Variants in MED23 observed in about 807,000 individuals in gnomAD.
MED23 encodes the protein mediator complex subunit 23.
MED23 carries 105 observed loss-of-function variants against 163.9 expected under a neutral mutation model. The ratio of observed to expected loss-of-function variants is 0.64; its 90% CI spans 0.55 to 0.75. The LOEUF is 0.75. Among genes scored for constraint, MED23 ranks in the 30% least tolerant of loss-of-function variants. The pLI is 0.00. For synonymous variants in MED23, 561 were observed against 565.6 expected, an observed-to-expected ratio of 0.99 and a Z score of 0.12; for missense variants, 1,054 against 1,649.0, an observed-to-expected ratio of 0.64 and a Z score of 6.25.
chr6:131,605,833 A>T (rs1306782411), intron 13 of MED23, among the ~76,000 whole-genome samples: 2 of 152,204 alleles, frequency 1.3e-5, no homozygotes, highest in Non-Finnish European at 2.9e-5. Context: ...CAATGTCTTC[A>T]TTACAGATAC....
intron 10 of MED23, among the ~76,000 whole-genome samples, chr6:131,614,213 C>T (rs915118118): frequency 6.6e-6 from 1 of 152,062 alleles, no homozygotes; most frequent in Non-Finnish European, 1.5e-5. Context: ...AACAAGGAAA[C>T]TTGGCAAATT....
At position 131,587,065 on chromosome 6, in the gene MED23, G is replaced by T; in HGVS notation, c.*614C>A. The T allele has an allele frequency of 7.4e-7, 1 of 1,360,312 alleles. No individual in the cohort carries two copies. Among genetic ancestry groups the T allele is most frequent in the East Asian group, 2.8e-5 (1 of 35,944 alleles). 84.3% of individuals were successfully genotyped at this position (1,360,312 alleles called of 1,614,324 possible). On this transcript the variant is annotated 3_prime_UTR_variant, in exon 29 of 29. Coordinates refer to ENST00000368068, the MANE Select transcript of MED23 (RefSeq NM_004830.4). ...GCTTCCAACTAATTTTATACAGTAAGTTCAAGTCCATAGCAAAGGTAATAA... is the reference window on the plus strand; with the variant it reads ...GCTTCCAACTAATTTTATACAGTAATTTCAAGTCCATAGCAAAGGTAATAA...
Position 131,602,272 on chromosome 6 carries a change from C to A in MED23, c.2041G>T (p.Glu681Ter). ...DPKTVLSAES[E>*]ELNRALILTL... is the part of the protein sequence containing the mutation. ...AATATCAAGGCTCGGTTCAGTTCTT[C>A]AGATTCTGCTGAGAGCACTGTTTTG... The change falls in exon 17 of 29, where the codon GAA (glutamate) becomes TAA (stop). Residue 681 changes from glutamate to a stop codon, truncating the protein, a stop_gained. Coordinates refer to ENST00000368068, the MANE Select transcript of MED23 (RefSeq NM_004830.4). LOFTEE classifies it high-confidence loss of function. 6.2e-7 allele frequency: 1 copy of A among 1,613,936 alleles called. No individual in the cohort carries two copies. Among genetic ancestry groups the A allele is most frequent in the Non-Finnish European group, 8.5e-7 (1 of 1,179,854 alleles).
At chr6:131,597,018 T>C (rs1382534232) in intron 20 of MED23, among the ~76,000 whole-genome samples, 3 of 152,186 alleles carry the variant, frequency 2.0e-5, no homozygotes. Context: ...TGACATCTTA[T>C]TGATTTATAG....
In MED23 at chr6:131,623,211, T is replaced by C. The variant is rs1777236932; in HGVS notation, c.396+140A>G. On this transcript the variant is annotated intron_variant, in intron 5 of 28. Transcript: ENST00000368068. The stretch of plus-strand genomic sequence containing the variant: ...GGAAACAACTGAGTAACTTTAAATC[T>C]TTTCAGGAAATATACCACAAGAAAT... 9.2e-6 allele frequency: 7 copies of C among 762,284 alleles called. No individual in the cohort carries two copies. In the South Asian group the frequency reaches 9.5e-5, roughly 10 times the overall value. 47.2% of individuals were successfully genotyped at this position (762,284 alleles called of 1,614,324 possible).
intron 30 of MED23, chr6:131,578,995 T>G: frequency 8.1e-7 from 1 of 1,234,742 alleles, no homozygotes; most frequent in Non-Finnish European, 1.1e-6. Context: ...CCTTTCAGGT[T>G]TTTCCTTTGC....
intron 5 of MED23, among the ~76,000 whole-genome samples, chr6:131,622,218 T>C (rs552183426): frequency 1.3e-5 from 2 of 152,366 alleles, no homozygotes; most frequent in African/African-American, 4.8e-5. Context: ...TGTCAAGCTT[T>C]TTTGGCCCTC....
In MED23 at chr6:131,581,116, A is replaced by T; in HGVS notation, c.4095+6593T>A. On this transcript the variant is annotated intron_variant, in intron 30 of 30. Transcript: ENST00000354577. ...TCAGAACCTATCAGAAATATCAGAC[A>T]CTGTGACTCAAAGGAAAACCAAGTG... 3 of 1,126,494 alleles carry T rather than the reference A, an allele frequency of 2.7e-6. No homozygotes were observed. The South Asian group carries it at 3.8e-5, about 14-fold the overall frequency. 69.8% of individuals were successfully genotyped at this position (1,126,494 alleles called of 1,614,324 possible).
chr6:131,575,641 C>T (rs1484877223), intron 30 of MED23, among the ~76,000 whole-genome samples: 1 of 152,144 alleles, frequency 6.6e-6, no homozygotes, highest in African/African-American at 2.4e-5. Context: ...GATAGACACA[C>T]GTGTCTTTTA....
intron 30 of MED23, chr6:131,579,392 T>C (rs1773800907): frequency 7.7e-7 from 1 of 1,304,922 alleles, no homozygotes; most frequent in Admixed American, 2.7e-5. Context: ...TTGACCTATA[T>C]TTTATATCAA....
chr6:131,607,960 T>G lies in MED23; in HGVS notation c.1189A>C (p.Lys397Gln). The G allele has an allele frequency of 6.2e-7, 1 of 1,613,926 alleles. No individual in the cohort carries two copies. The highest frequency in any genetic ancestry group is 8.5e-7 in the Non-Finnish European group (1 of 1,179,908). ...NALADFLPVM[K>Q]LFDLLYPEKE... is the part of the protein sequence containing the mutation. ...TCTGGGTATAGCAAGTCGAAGAGCT[T>G]CATCACAGGGAGAAAATCAGCTAGT... The change falls in exon 12 of 29, where the codon AAG becomes CAG. Residue 397 changes from lysine to glutamine, a missense_variant. Coordinates refer to ENST00000368068, the MANE Select transcript of MED23 (RefSeq NM_004830.4).
At chr6:131,592,866 C>A in intron 24 of MED23, 140 bp downstream of exon 24, 1 of 1,023,608 alleles carries the variant, frequency 9.8e-7, no homozygotes, top group South Asian at 1.4e-5. Context: ...ATCACAAAGA[C>A]AAGATCTGGA....
rs1776176813 is a variant in MED23 at position 131,610,203 on chromosome 6, A to G, written c.920T>C (p.Leu307Pro). The G allele has an allele frequency of 6.2e-7, 1 of 1,613,916 alleles. No individual in the cohort carries two copies. Among genetic ancestry groups the G allele is most frequent in the Non-Finnish European group, 8.5e-7 (1 of 1,179,946 alleles). Residue 307 changes from leucine to proline, a missense_variant, in exon 11 of 29, where the codon CTG becomes CCG. This residue lies in a region of MED23 where 26 missense variants were observed against 28.4 expected (regional missense o/e 0.92). Transcript: ENST00000368068. The stretch of plus-strand genomic sequence containing the variant: ...AGATCGCTCCATGGCATAAACAACC[A>G]GATCCACCAACTGGTCCTCCAGCAC... ...CPVLEDQLVD[L>P]VVYAMERSET...
chr6:131,624,788 CA>C, intron 4 of MED23, 76 bp downstream of exon 4: 1 of 1,514,800 alleles, frequency 6.6e-7, no homozygotes, highest in Non-Finnish European at 9.1e-7. Context: ...TACCTTTTTA[CA>C]ACAACAACCT....
At position 131,587,161 on chromosome 6, in the gene MED23, T is replaced by C. The variant is rs1484863584; in HGVS notation, c.*518A>G. ...ATTTCAAGTCATTTTAAAAAGAATA[T>C]GAAGCCTTGTTTGCTCCTACAATGC... On this transcript the variant is annotated 3_prime_UTR_variant, in exon 29 of 29. Coordinates refer to ENST00000368068, the MANE Select transcript of MED23 (RefSeq NM_004830.4). The C allele has an allele frequency of 1.7e-6, 2 of 1,197,584 alleles. No individual in the cohort carries two copies. The highest frequency in any genetic ancestry group is 4.1e-5 in the Admixed American group (1 of 24,678). 74.2% of individuals were successfully genotyped at this position (1,197,584 alleles called of 1,614,324 possible). A position where few individuals can be genotyped will look rare whatever the true frequency, so the allele number is the denominator to read the frequency against.
Position 131,587,488 on chromosome 6 carries a change from C to G in MED23, c.*191G>C. ...TGTATCTTACTTGATCTCTTAGAGA[C>G]AAAAATATAGATAGGGAGATGGGAG... is the stretch of plus-strand genomic sequence containing the variant. On this transcript the variant is annotated 3_prime_UTR_variant, in exon 29 of 29. Transcript: ENST00000368068. 7.0e-7 allele frequency: 1 copy of G among 1,426,402 alleles called. No homozygotes were observed. 88.4% of individuals were successfully genotyped at this position (1,426,402 alleles called of 1,614,324 possible).
Position 131,589,504 on chromosome 6 carries a change from G to A in MED23, c.3900C>T (p.His1300=), listed in dbSNP as rs1241334289. Residue 1300 remains histidine, a synonymous_variant, in exon 28 of 29, where the codon CAC becomes CAT. Transcript: ENST00000368068. ...TGTCACCAGTAAACATATACTTCAT[G>A]TGATAGAGGAAGTCACAGATGGGAT... The part of the protein sequence containing the change: ...YMDPICDFLY[H]MKYMFTGDSV... 6.2e-7 allele frequency: 1 copy of A among 1,613,396 alleles called. No individual in the cohort carries two copies. The highest frequency in any genetic ancestry group is 1.7e-5 in the Admixed American group (1 of 60,024).
At position 131,591,301 on chromosome 6, in the gene MED23, T is replaced by G. The variant is rs762722959; in HGVS notation, c.3686+12A>C. 3 of 1,598,574 alleles carry G rather than the reference T, an allele frequency of 1.9e-6. No homozygotes were observed. In the Admixed American group the frequency reaches 5.0e-5, roughly 27 times the overall value. On this transcript the variant is annotated intron_variant, in intron 26 of 28. Coordinates refer to ENST00000368068, the MANE Select transcript of MED23 (RefSeq NM_004830.4). ...CCTACGTCAAATTTCTTTAAGAAAT[T>G]ATTATACTTACTTTGGAATGAGAGA... is the stretch of plus-strand genomic sequence containing the variant.
intron 1 of MED23, 115 bp downstream of exon 1, chr6:131,627,896 G>A (rs1777633636): frequency 1.5e-6 from 2 of 1,363,916 alleles, no homozygotes; most frequent in East Asian, 4.6e-5. Context: ...GTCAAAACAA[G>A]GGAATAAAAA....
Sources: gnomAD v4.1 joint callset for allele counts (sites outside exome capture counted in the v4.1 genomes callset) on GRCh38, gnomAD v4.1.1 for gene constraint, gnomAD v4.1.1 regional missense constraint, MANE v1.5 for transcripts, NCBI Gene and HGNC (gene_info 2026-07-23, HGNC 2026-07-21) for gene names.